SNTG1: variants seen among roughly 807,000 people sequenced by gnomAD.
SNTG1 encodes the protein syntrophin gamma 1.
A neutral mutation model predicts 74.7 loss-of-function variants in SNTG1; 39 were observed. The observed-to-expected ratio is 0.52, with a 90% CI of 0.40 to 0.68. SNTG1 has a LOEUF of 0.68. SNTG1 is among the 30% of genes least tolerant of loss of function. The pLI is 0.00. For synonymous variants in SNTG1, 254 were observed against 217.1 expected, an observed-to-expected ratio of 1.17 and a Z score of -1.49; for missense variants, 685 against 609.5, an observed-to-expected ratio of 1.12 and a Z score of -1.30.
chr8:50,151,259 C>G (rs894348432), intron 1 of SNTG1, among the ~76,000 whole-genome samples: 1 of 152,106 alleles, frequency 6.6e-6, no homozygotes, highest in East Asian at 1.9e-4. Flanking sequence ...GTGGTGATAT[C>G]CCCTTTATCA....
intron 1 of SNTG1, among the ~76,000 whole-genome samples, chr8:50,160,385 G>A (rs529906286): frequency 5.3e-5 from 8 of 152,174 alleles, no homozygotes; most frequent in Admixed American, 2.0e-4. Context: ...GAATTTGAAA[G>A]GGAAAATGCT....
chr8:50,026,178 C>T (rs1188361190), intron 1 of SNTG1, among the ~76,000 whole-genome samples: 1 of 152,078 alleles, frequency 6.6e-6, no homozygotes, highest in Non-Finnish European at 1.5e-5. Flanking sequence ...ATATTGTTAC[C>T]AAGCTCAGTT....
At chr8:49,958,108 G>A (rs1810345522) in intron 1 of SNTG1, among the ~76,000 whole-genome samples, 1 of 152,110 alleles carries the variant, frequency 6.6e-6, no homozygotes, top group Admixed American at 6.5e-5. Flanking sequence ...AAATAAATGT[G>A]GAGACCACGA....
In SNTG1 at chr8:50,775,749, C is replaced by G. The variant is rs183330121; in HGVS notation, c.1396-16922C>G. Among the ~76,000 whole-genome samples the G allele has an allele frequency of 3.7e-3, 563 of 151,710 alleles. 4 individuals are homozygous for G. The highest frequency in any genetic ancestry group is 0.013 in the African/African-American group (521 of 41,518). On this transcript the variant is annotated intron_variant, in intron 18 of 18. Coordinates refer to ENST00000642720, the MANE Select transcript of SNTG1 (RefSeq NM_018967.5). ...TGTAATTGTGTATTTATCCATTTCACCTTTCAATTCTATCAGTTTCTGCAT... is the reference window on the plus strand; with the variant it reads ...TGTAATTGTGTATTTATCCATTTCAGCTTTCAATTCTATCAGTTTCTGCAT...
At chr8:49,943,563 G>A (rs1808889611) in intron 1 of SNTG1, among the ~76,000 whole-genome samples, 1 of 152,246 alleles carries the variant, frequency 6.6e-6, no homozygotes, top group Non-Finnish European at 1.5e-5. Context: ...GAAGGCTTGA[G>A]AAAACATCCT....
At chr8:50,665,965 C>A (rs541214708) in intron 15 of SNTG1, among the ~76,000 whole-genome samples, 2 of 152,158 alleles carry the variant, frequency 1.3e-5, no homozygotes, top group East Asian at 3.9e-4. Context: ...ACAAATTGAT[C>A]AAAGTGAACA....
At chr8:50,740,461 GAAACAAAACA>G (rs542834428) in intron 17 of SNTG1, among the ~76,000 whole-genome samples, 2 of 150,356 alleles carry the variant, frequency 1.3e-5, no homozygotes, top group African/African-American at 2.4e-5. Flanking sequence ...GCTACCATTA[GAAACAAAACA>G]AAACAAAACA....
chr8:50,697,984 T>C lies in SNTG1; in HGVS notation c.1039-6616T>C, dbSNP rs59046527. Among the ~76,000 whole-genome samples the C allele has an allele frequency of 5.5e-3, 845 of 152,296 alleles. 4 individuals are homozygous for C. The highest frequency in any genetic ancestry group is 0.02 in the African/African-American group (817 of 41,556). On this transcript the variant is annotated intron_variant, in intron 15 of 18. Transcript: ENST00000642720. ...TAGGGAGAAATTCCTTTTCAGTTTTTTGAAAAGTTTCAGGAGTATTGGCAC... is the reference window on the plus strand; with the variant it reads ...TAGGGAGAAATTCCTTTTCAGTTTTCTGAAAAGTTTCAGGAGTATTGGCAC...
At chr8:50,659,806 G>A (rs1456885602) in intron 15 of SNTG1, among the ~76,000 whole-genome samples, 1 of 152,166 alleles carries the variant, frequency 6.6e-6, no homozygotes, top group Non-Finnish European at 1.5e-5. Context: ...CACGACTCCA[G>A]TTTTCTGAAA....
At chr8:50,347,914 G>C (rs938477781) in intron 2 of SNTG1, among the ~76,000 whole-genome samples, 2 of 152,310 alleles carry the variant, frequency 1.3e-5, no homozygotes, top group Non-Finnish European at 2.9e-5. Context: ...CCTGTTAAGA[G>C]CCCAGCCCTC....
chr8:50,186,959 C>T (rs1183520629), intron 2 of SNTG1, among the ~76,000 whole-genome samples: 3 of 151,952 alleles, frequency 2.0e-5, no homozygotes, highest in Non-Finnish European at 4.4e-5. Context: ...TCTTTGCCCA[C>T]GCCTATTTCC....
In SNTG1 at chr8:50,796,235, G is replaced by C. The variant is rs1802807092; in HGVS notation, c.*3406G>C. 6.6e-6 allele frequency: 1 copy of C among 151,940 alleles called. No individual in the cohort carries two copies. Among genetic ancestry groups the C allele is most frequent in the South Asian group, 2.1e-4 (1 of 4,832 alleles). The allele number at this position is 151,940 out of a possible 1,614,324, so 9.4% of individuals were successfully genotyped here. ...GTGTGGAGAAGCTTTAAAAGCACAA[G>C]GATGATCTTGTGCTTAACTTTTTAA... On this transcript the variant is annotated 3_prime_UTR_variant, in exon 19 of 19. Coordinates refer to ENST00000642720, the MANE Select transcript of SNTG1 (RefSeq NM_018967.5).
At chr8:50,406,244 T>C (rs988543012) in intron 4 of SNTG1, among the ~76,000 whole-genome samples, 1 of 152,152 alleles carries the variant, frequency 6.6e-6, no homozygotes, top group Non-Finnish European at 1.5e-5. Context: ...TGTTTTCATG[T>C]ACAAGTCTTT....
chr8:50,628,264 C>A (rs1204272553), intron 13 of SNTG1, among the ~76,000 whole-genome samples: 2 of 151,562 alleles, frequency 1.3e-5, no homozygotes, highest in Admixed American at 1.3e-4. Context: ...AAGAGTCTGT[C>A]CTTTTTTGAA....
intron 2 of SNTG1, among the ~76,000 whole-genome samples, chr8:50,298,377 T>C (rs547358834): frequency 4.6e-5 from 7 of 152,252 alleles, no homozygotes; most frequent in Admixed American, 3.9e-4. Flanking sequence ...CTCAGATTCA[T>C]GATGTTTCCA....
chr8:50,029,856 A>G (rs1239830362), intron 1 of SNTG1, among the ~76,000 whole-genome samples: 1 of 152,034 alleles, frequency 6.6e-6, no homozygotes, highest in Non-Finnish European at 1.5e-5. Flanking sequence ...TCTTTTGTGT[A>G]TATACCCAGC....
intron 2 of SNTG1, among the ~76,000 whole-genome samples, chr8:50,380,023 A>T (rs2092455036): frequency 6.6e-6 from 1 of 152,220 alleles, no homozygotes; most frequent in Admixed American, 6.5e-5. Flanking sequence ...AATTGGAGGG[A>T]TGGAGAGTGG....
At chr8:50,011,448 G>A (rs1815787972) in intron 1 of SNTG1, among the ~76,000 whole-genome samples, 1 of 152,094 alleles carries the variant, frequency 6.6e-6, no homozygotes, top group Non-Finnish European at 1.5e-5. Flanking sequence ...ATCAAGATGT[G>A]TGACAACTCA....
At chr8:50,777,243 A>AAT (rs2095643555) in intron 18 of SNTG1, among the ~76,000 whole-genome samples, 4 of 147,210 alleles carry the variant, frequency 2.7e-5, no homozygotes, top group Non-Finnish European at 6.0e-5. Flanking sequence ...ATAATAATAT[A>AAT]ATATATATAA....
Sources: allele counts gnomAD v4.1 joint callset (sites outside exome capture counted in the v4.1 genomes callset), GRCh38; gene constraint gnomAD v4.1.1; transcripts MANE v1.5; gene names NCBI Gene and HGNC (gene_info 2026-07-23, HGNC 2026-07-21).